ERGIC2: variants seen among roughly 807,000 people sequenced by gnomAD.
ERGIC2 encodes the protein endoplasmic reticulum-Golgi intermediate compartment protein 2.
ERGIC2 carries 31 observed loss-of-function variants against 52.5 expected under a neutral mutation model. The ratio of observed to expected loss-of-function variants is 0.59; its 90% CI spans 0.44 to 0.80. ERGIC2 has a LOEUF of 0.80. Among genes scored for constraint, ERGIC2 ranks in the 30% least tolerant of loss-of-function variants. ERGIC2 has a pLI of 0.00. For missense variants in ERGIC2, 395 were observed against 455.2 expected, an observed-to-expected ratio of 0.87 and a Z score of 1.20; for synonymous variants, 129 against 140.6, an observed-to-expected ratio of 0.92 and a Z score of 0.58.
intron 1 of ERGIC2, chr12:29,372,490 C>T (rs533038752): frequency 5.3e-5 from 8 of 151,982 alleles, no homozygotes; most frequent in Non-Finnish European, 1.0e-4. Context: ...TAAGTAAATG[C>T]CCATTGAGGA....
At chr12:29,366,455 G>T (rs1400591355) in intron 5 of ERGIC2, among the ~76,000 whole-genome samples, 2 of 151,926 alleles carry the variant, frequency 1.3e-5, no homozygotes, top group East Asian at 3.9e-4. Flanking sequence ...ATTCTTGATT[G>T]TAAGAGAAAT....
chr12:29,368,188 A>G, intron 4 of ERGIC2, 53 bp downstream of exon 4: 2 of 1,136,802 alleles, frequency 1.8e-6, no homozygotes, highest in Non-Finnish European at 2.6e-6. Flanking sequence ...TTGCTTGGCA[A>G]TTGTTTGAAC....
chr12:29,367,512 C>T (rs1219215594), intron 4 of ERGIC2, among the ~76,000 whole-genome samples: 1 of 151,598 alleles, frequency 6.6e-6, no homozygotes, highest in East Asian at 1.9e-4. Flanking sequence ...TCTCTTAAAA[C>T]CACCAACATA....
chr12:29,350,324 G>A (rs1940114218), intron 8 of ERGIC2, among the ~76,000 whole-genome samples: 3 of 152,048 alleles, frequency 2.0e-5, no homozygotes, highest in Non-Finnish European at 1.5e-5. Context: ...GCAAAATCAA[G>A]TATATTATGT....
At position 29,340,818 on chromosome 12, in the gene ERGIC2, A is replaced by T. The variant is rs1418961210; in HGVS notation, c.*338T>A. On this transcript the variant is annotated 3_prime_UTR_variant, in exon 14 of 14. Transcript: ENST00000360150. ...TTTTTTTTCCCATAGATGTAGTTTC[A>T]CTTATTTCCTTCAGGCTTTTTATCA... is the stretch of plus-strand genomic sequence containing the variant. 2.3e-6 allele frequency: 1 copy of T among 438,272 alleles called. No individual in the cohort carries two copies. 27.1% of individuals were successfully genotyped at this position (438,272 alleles called of 1,614,324 possible).
In ERGIC2 at chr12:29,370,223, C is replaced by CCTTTTAGAATCATTTAAATAG; in HGVS notation, c.107-2_107-1insCTATTTAAATGATTCTAAAAG. ...ATAGTTGTAAATGCTATTAGAGAAA[C>CCTTTTAGAATCATTTAAATAG]TGGGAAATCCAACAACAAAAGAAAA... On this transcript the variant is annotated splice_acceptor_variant, in intron 2 of 13. Coordinates refer to ENST00000360150, the MANE Select transcript of ERGIC2 (RefSeq NM_016570.3). LOFTEE classifies it high-confidence loss of function. 1 of 1,535,612 alleles carries CCTTTTAGAATCATTTAAATAG rather than the reference C, an allele frequency of 6.5e-7. No individual in the cohort carries two copies. The highest frequency in any genetic ancestry group is 8.7e-7 in the Non-Finnish European group (1 of 1,153,820).
At chr12:29,362,891 CTGTT>C (rs1940306236) in intron 5 of ERGIC2, among the ~76,000 whole-genome samples, 1 of 152,146 alleles carries the variant, frequency 6.6e-6, no homozygotes, top group African/African-American at 2.4e-5. Flanking sequence ...ACCAATAAGG[CTGTT>C]GGCAGTTACT....
chr12:29,339,715 C>G lies in ERGIC2; in HGVS notation c.*1441G>C, dbSNP rs1949823780. On this transcript the variant is annotated 3_prime_UTR_variant, in exon 14 of 14. Coordinates refer to ENST00000360150, the MANE Select transcript of ERGIC2 (RefSeq NM_016570.3). ...GCAAAACAGACCCATCACTATTTCT[C>G]CTTCTCTCCATTATATTGTTTATCC... is the stretch of plus-strand genomic sequence containing the variant. The G allele has an allele frequency of 2.0e-5, 3 of 152,060 alleles. No individual in the cohort carries two copies. Among genetic ancestry groups the G allele is most frequent in the Admixed American group, 2.0e-4 (3 of 15,262 alleles). The allele number at this position is 152,060 out of a possible 1,614,324, so 9.4% of individuals were successfully genotyped here.
intron 5 of ERGIC2, among the ~76,000 whole-genome samples, chr12:29,364,656 A>T (rs1408181500): frequency 1.3e-5 from 2 of 152,112 alleles, no homozygotes; most frequent in African/African-American, 4.8e-5. Context: ...AAAAACTACC[A>T]ACAGAGTAAA....
intron 1 of ERGIC2, 148 bp downstream of exon 1, chr12:29,380,967 G>C (rs1940580334): frequency 6.6e-6 from 1 of 152,274 alleles, no homozygotes; most frequent in South Asian, 2.1e-4. Context: ...AGGTGGAGCG[G>C]CTTCTCCGTC....
At chr12:29,368,727 T>G (rs1209831200) in intron 3 of ERGIC2, among the ~76,000 whole-genome samples, 1 of 151,932 alleles carries the variant, frequency 6.6e-6, no homozygotes, top group Non-Finnish European at 1.5e-5. Flanking sequence ...ATTATCTCCT[T>G]TATTCTATAT....
At chr12:29,364,504 A>G (rs1430883745) in intron 5 of ERGIC2, among the ~76,000 whole-genome samples, 2 of 152,112 alleles carry the variant, frequency 1.3e-5, no homozygotes, top group Non-Finnish European at 2.9e-5. Flanking sequence ...GAATCCTAGA[A>G]GAAAACCTAG....
chr12:29,366,390 G>A (rs1940362832), intron 5 of ERGIC2, among the ~76,000 whole-genome samples: 1 of 151,942 alleles, frequency 6.6e-6, no homozygotes, highest in Admixed American at 6.6e-5. Context: ...AGGCGTAAAG[G>A]AGGAAGGAAG....
chr12:29,356,124 C>T (rs1940200589), intron 8 of ERGIC2, among the ~76,000 whole-genome samples: 1 of 151,838 alleles, frequency 6.6e-6, no homozygotes, highest in Non-Finnish European at 1.5e-5. Context: ...TGGGTTCAAG[C>T]GATTCTCCTG....
chr12:29,376,730 T>C (rs1461326271), intron 1 of ERGIC2, among the ~76,000 whole-genome samples: 1 of 152,188 alleles, frequency 6.6e-6, no homozygotes, highest in Non-Finnish European at 1.5e-5. Flanking sequence ...TCCCACTCTA[T>C]TTGCCTCTCT....
intron 8 of ERGIC2, among the ~76,000 whole-genome samples, chr12:29,351,646 T>C (rs1940132701): frequency 6.6e-6 from 1 of 152,202 alleles, no homozygotes. Flanking sequence ...TGAAGAAGGC[T>C]AGTCATCTGA....
At chr12:29,341,348 T>TCC (rs772716376) in intron 13 of ERGIC2, 130 bp from the exon 14 acceptor site, 27 of 707,332 alleles carry the variant, frequency 3.8e-5, no homozygotes, top group Non-Finnish European at 5.4e-5. Flanking sequence ...TCTCTCTCTC[T>TCC]CCCCCTATTT....
intron 1 of ERGIC2, among the ~76,000 whole-genome samples, chr12:29,373,157 A>G (rs1374583206): frequency 2.6e-5 from 4 of 152,160 alleles, no homozygotes; most frequent in South Asian, 2.1e-4. Flanking sequence ...GCCTTTACAT[A>G]TAACTTCAGA....
chr12:29,344,435 T>C (rs914829264), intron 11 of ERGIC2, among the ~76,000 whole-genome samples: 4 of 152,332 alleles, frequency 2.6e-5, no homozygotes, highest in East Asian at 3.9e-4. Flanking sequence ...CTTGAGGTGT[T>C]TGCCAATCTT....
Sources: allele counts gnomAD v4.1 joint callset (sites outside exome capture counted in the v4.1 genomes callset), GRCh38; gene constraint gnomAD v4.1.1; transcripts MANE v1.5; gene names NCBI Gene and HGNC (gene_info 2026-07-23, HGNC 2026-07-21).